Variants in SEMA3C observed in about 807,000 individuals in gnomAD.
SEMA3C encodes the protein semaphorin 3C, also known as semaphorin-3C.
SEMA3C carries 47 observed loss-of-function variants against 89.4 expected under a neutral mutation model. The ratio of observed to expected loss-of-function variants is 0.53; its 90% CI spans 0.42 to 0.67. The LOEUF (loss-of-function observed/expected upper bound fraction) is 0.67. Ranked by LOEUF, SEMA3C falls within the 30% of genes least tolerant of loss-of-function variation. The pLI is 0.00. For missense variants in SEMA3C, 839 were observed against 929.1 expected (o/e 0.90, Z 1.26); for synonymous variants, 310 against 320.2 (o/e 0.97, Z 0.34).
At position 80,815,255 on chromosome 7, in the gene SEMA3C, A is replaced by C. The variant is rs187520451; in HGVS notation, c.447+3044T>G. The stretch of plus-strand genomic sequence containing the variant: ...AAGGCAATGAAAAATACAGAGCATG[A>C]ATGGTGGAATTTAATGTCACAGATC... On this transcript the variant is annotated intron_variant, in intron 5 of 17. Coordinates refer to ENST00000265361, the MANE Select transcript of SEMA3C (RefSeq NM_006379.5). Among the ~76,000 whole-genome samples the C allele has an allele frequency of 2.2e-4, 34 of 152,264 alleles. 1 individual carries two copies. The highest frequency in any genetic ancestry group is 7.0e-4 in the African/African-American group (29 of 41,536).
At chr7:80,891,342 A>G (rs1332579449) in intron 2 of SEMA3C, among the ~76,000 whole-genome samples, 1 of 152,070 alleles carries the variant, frequency 6.6e-6, no homozygotes, top group Non-Finnish European at 1.5e-5. Context: ...AGTGAGTTCA[A>G]TTCCACTCAC....
In SEMA3C at chr7:80,841,873, TTCAATGTGAC is replaced by T. The variant is rs1266827490; in HGVS notation, c.104-13138_104-13129del. Reference sequence around the variant, plus strand: ...GCTACTTTATCTAAATATTATTTATTTCAATGTGACTCATTGTTTAGCCAAGTTACTACAT... The same window carrying T: ...GCTACTTTATCTAAATATTATTTATTTCATTGTTTAGCCAAGTTACTACAT... On this transcript the variant is annotated intron_variant, in intron 2 of 17. Coordinates refer to ENST00000265361, the MANE Select transcript of SEMA3C (RefSeq NM_006379.5). Among the ~76,000 whole-genome samples the T allele has an allele frequency of 5.9e-5, 9 of 152,312 alleles. No homozygotes were observed. The South Asian group carries it at 1.7e-3, about 28-fold the overall frequency.
intron 12 of SEMA3C, among the ~76,000 whole-genome samples, chr7:80,773,012 C>A (rs1422634471): frequency 1.3e-5 from 2 of 152,082 alleles, no homozygotes. Flanking sequence ...AGAGAAGAAA[C>A]ATGTGTTTGC....
intron 15 of SEMA3C, among the ~76,000 whole-genome samples, chr7:80,756,688 T>C (rs10228630): frequency 0.12 from 18,354 of 152,168 alleles, 3,022 homozygotes; most frequent in African/African-American, 0.36. Flanking sequence ...TCTTGAGCAA[T>C]CCTGACATAC....
At chr7:80,881,456 C>T (rs185878124) in intron 2 of SEMA3C, among the ~76,000 whole-genome samples, 47 of 152,230 alleles carry the variant, frequency 3.1e-4, no homozygotes, top group Non-Finnish European at 2.1e-4. Context: ...AGAATTGATA[C>T]TTCCTCTGAG....
chr7:80,855,254 A>G (rs1360331235), intron 2 of SEMA3C, among the ~76,000 whole-genome samples: 1 of 152,116 alleles, frequency 6.6e-6, no homozygotes, highest in African/African-American at 2.4e-5. Flanking sequence ...GAAAACTATA[A>G]TGGATGGTCA....
intron 13 of SEMA3C, among the ~76,000 whole-genome samples, chr7:80,762,114 A>G (rs921929317): frequency 4.0e-5 from 6 of 151,068 alleles, no homozygotes; most frequent in Middle Eastern, 6.9e-3. Context: ...AAAAAAAAAA[A>G]GAGTGGTAAT....
intron 5 of SEMA3C, 151 bp from the exon 6 acceptor site, chr7:80,810,852 A>T (rs750611415): frequency 1.6e-6 from 1 of 631,088 alleles, no homozygotes; most frequent in African/African-American, 1.8e-5. Context: ...AGATTTACTC[A>T]AACTATGAGA....
chr7:80,867,215 A>G (rs1479413869), intron 2 of SEMA3C, among the ~76,000 whole-genome samples: 1 of 152,226 alleles, frequency 6.6e-6, no homozygotes, highest in African/African-American at 2.4e-5. Flanking sequence ...AACAGAAAAT[A>G]TCTATGTTGA....
intron 11 of SEMA3C, among the ~76,000 whole-genome samples, chr7:80,791,098 G>T (rs1788930137): frequency 6.6e-6 from 1 of 151,990 alleles, no homozygotes; most frequent in Non-Finnish European, 1.5e-5. Context: ...AGTCCAAGGG[G>T]GCAGGCAGAA....
intron 17 of SEMA3C, among the ~76,000 whole-genome samples, chr7:80,745,843 T>G (rs1787788114): frequency 6.6e-6 from 1 of 152,136 alleles, no homozygotes; most frequent in Non-Finnish European, 1.5e-5. Flanking sequence ...ATTTTGAACA[T>G]TATCAAGGGC....
rs1449995090 is a variant in SEMA3C at position 80,754,957 on chromosome 7, G to GTTTTTTTTTTGTTTTTTT, written c.1643+3373_1643+3374insAAAAAAACAAAAAAAAAA. ...CATGCCTGGCGAATTGTTTTTTTTT[G>GTTTTTTTTTTGTTTTTTT]TTTTTTTTTTTTTTGTATTTTTAGT... On this transcript the variant is annotated intron_variant, in intron 15 of 17. Coordinates refer to ENST00000265361, the MANE Select transcript of SEMA3C (RefSeq NM_006379.5). Among the ~76,000 whole-genome samples, 18 of 108,358 alleles carry GTTTTTTTTTTGTTTTTTT rather than the reference G, an allele frequency of 1.7e-4. 1 individual carries two copies. The highest frequency in any genetic ancestry group is 3.3e-4 in the South Asian group (1 of 3,050). 71.1% of individuals were successfully genotyped at this position (108,358 alleles called of 152,430 possible). A position where few individuals can be genotyped will look rare whatever the true frequency, so the allele number is the denominator to read the frequency against.
In SEMA3C at chr7:80,866,934, C is replaced by T. The variant is rs1318547833; in HGVS notation, c.104-38189G>A. On this transcript the variant is annotated intron_variant, in intron 2 of 17. Transcript: ENST00000265361. ...CGTACAGAAAATACAGAGAGCAATA[C>T]GAGGCTGAAATTGTGGAAACAATGG... Among the ~76,000 whole-genome samples the T allele has an allele frequency of 2.0e-5, 3 of 152,150 alleles. 1 individual carries two copies. Among genetic ancestry groups the T allele is most frequent in the Non-Finnish European group, 1.5e-5 (1 of 68,000 alleles).
chr7:80,881,677 T>C (rs1302948415), intron 2 of SEMA3C, among the ~76,000 whole-genome samples: 2 of 152,342 alleles, frequency 1.3e-5, no homozygotes, highest in South Asian at 2.1e-4. Context: ...GTGCTTACAA[T>C]TGGCTTCATA....
intron 12 of SEMA3C, among the ~76,000 whole-genome samples, chr7:80,778,654 C>A (rs1231789199): frequency 6.6e-6 from 1 of 152,156 alleles, no homozygotes; most frequent in Admixed American, 6.6e-5. Flanking sequence ...TTGTTAACCT[C>A]TTCCTACTTC....
At chr7:80,823,751 A>C (rs1183754154) in intron 4 of SEMA3C, among the ~76,000 whole-genome samples, 1 of 152,154 alleles carries the variant, frequency 6.6e-6, no homozygotes, top group Non-Finnish European at 1.5e-5. Context: ...AATCCTACTT[A>C]ATTTTTCAAC....
intron 12 of SEMA3C, among the ~76,000 whole-genome samples, chr7:80,773,853 G>C (rs1788487937): frequency 6.6e-6 from 1 of 152,222 alleles, no homozygotes; most frequent in South Asian, 2.1e-4. Context: ...AGGCTTACCA[G>C]ATTGCAGTTG....
intron 5 of SEMA3C, among the ~76,000 whole-genome samples, chr7:80,813,861 G>A (rs7786327): frequency 0.27 from 40,257 of 151,888 alleles, 5,575 homozygotes; most frequent in Non-Finnish European, 0.3. Flanking sequence ...TTAATTCAGC[G>A]TCTAACGTCA....
chr7:80,908,936 T>C (rs1792080071), intron 2 of SEMA3C, among the ~76,000 whole-genome samples: 1 of 152,154 alleles, frequency 6.6e-6, no homozygotes, highest in Admixed American at 6.6e-5. Context: ...ATATAAATAA[T>C]GCATTTAAAA....
Sources: gnomAD v4.1 joint callset for allele counts (sites outside exome capture counted in the v4.1 genomes callset) on GRCh38, gnomAD v4.1.1 for gene constraint, MANE v1.5 for transcripts, NCBI Gene and HGNC (gene_info 2026-07-23, HGNC 2026-07-21) for gene names.